GLI2: variants seen among roughly 807,000 people sequenced by gnomAD.
GLI2 encodes GLI family zinc finger 2.
In GLI2, 22 loss-of-function variants were observed where a neutral mutation model predicts 78.9. The observed-to-expected ratio is 0.28, with a 90% confidence interval of 0.20 to 0.40. GLI2 has a LOEUF of 0.40. Among genes scored for constraint, GLI2 ranks in the 10% least tolerant of loss-of-function variants. The pLI is 1.00. For synonymous variants in GLI2, 974 were observed against 963.7 expected (o/e 1.01, Z -0.20); for missense variants, 2,097 against 2,213.2 (o/e 0.95, Z 1.05).
At chr2:120,767,570 C>T (rs1018991601) in intron 1 of GLI2, among the ~76,000 whole-genome samples, 1 of 152,156 alleles carries the variant, frequency 6.6e-6, no homozygotes, top group Non-Finnish European at 1.5e-5. Flanking sequence ...TGAAAAGAAA[C>T]TTTTTAATAC....
At chr2:120,843,072 G>A (rs924167519) in intron 2 of GLI2, among the ~76,000 whole-genome samples, 2 of 152,156 alleles carry the variant, frequency 1.3e-5, no homozygotes, top group African/African-American at 2.4e-5. Flanking sequence ...TGTTTTTGAC[G>A]TAACCCAAGA....
At chr2:120,948,184 G>T (rs1680805295) in intron 3 of GLI2, among the ~76,000 whole-genome samples, 1 of 152,222 alleles carries the variant, frequency 6.6e-6, no homozygotes, top group Non-Finnish European at 1.5e-5. Flanking sequence ...ACAGCATGGA[G>T]AATGACTCCC....
At chr2:120,892,044 A>T (rs79395783) in intron 2 of GLI2, among the ~76,000 whole-genome samples, 2,006 of 143,686 alleles carry the variant, frequency 0.014, 39 homozygotes, top group African/African-American at 0.049. Context: ...ACCACCTTGG[A>T]CTACTTAACC....
rs188079619 is a variant in GLI2, at chr2:120,908,673, C to G, written c.149-18688C>G. ...GGCCCCCTGGCTCCAGCCCCTCCCA[C>G]CGATGGGCCACACATAGCATGTGCT... On this transcript the variant is annotated intron_variant, in intron 2 of 13. Coordinates refer to ENST00000361492, the MANE Select transcript of GLI2 (RefSeq NM_001374353.1). Among the ~76,000 whole-genome samples the G allele has an allele frequency of 8.5e-5, 13 of 152,314 alleles. No homozygotes were observed. In the East Asian group the frequency reaches 1.4e-3, roughly 16 times the overall value.
chr2:120,819,783 A>G (rs6541740), intron 2 of GLI2, among the ~76,000 whole-genome samples: 150,758 of 152,278 alleles, frequency 0.99, 74,634 homozygotes, highest in Middle Eastern at 1. Context: ...GGAGCTCACC[A>G]GCTAAGAAGA....
chr2:120,936,027 G>T (rs558340192), intron 3 of GLI2, among the ~76,000 whole-genome samples: 1 of 152,104 alleles, frequency 6.6e-6, no homozygotes, highest in Non-Finnish European at 1.5e-5. Flanking sequence ...GAGGGGCTGC[G>T]GCAGGATCGG....
chr2:120,932,428 G>T lies in GLI2; in HGVS notation c.254+4962G>T, dbSNP rs371892425. Among the ~76,000 whole-genome samples the T allele has an allele frequency of 7.2e-5, 11 of 152,078 alleles. No homozygotes were observed. The East Asian group carries it at 1.7e-3, about 24-fold the overall frequency. The stretch of plus-strand genomic sequence containing the variant: ...GGGAGGGCGCACCCAGTGTGTGCAG[G>T]CTCCAGAGAGGTGTTCCCTGCACTC... On this transcript the variant is annotated intron_variant, in intron 3 of 13. Coordinates refer to ENST00000361492, the MANE Select transcript of GLI2 (RefSeq NM_001374353.1).
chr2:120,741,571 T>C (rs930634816), intron 1 of GLI2, among the ~76,000 whole-genome samples: 3 of 151,816 alleles, frequency 2.0e-5, no homozygotes, highest in Non-Finnish European at 1.5e-5. Context: ...CTCTTTTCTG[T>C]CTTTTCTCAT....
Position 120,972,406 on chromosome 2 carries a change from C to T in GLI2, c.1182+343C>T, listed in dbSNP as rs376086727. 1.4e-4 allele frequency among the ~76,000 whole-genome samples: 21 copies of T among 152,360 alleles called. No homozygotes were observed. The East Asian group carries it at 3.7e-3, about 27-fold the overall frequency. On this transcript the variant is annotated intron_variant, in intron 8 of 13. Coordinates refer to ENST00000361492, the MANE Select transcript of GLI2 (RefSeq NM_001374353.1). The stretch of plus-strand genomic sequence containing the variant: ...AGCCACAGCCTAGTTGAGTTGCTCA[C>T]GTCCCCGGAATGGCCCAGGCCCTTC...
intron 1 of GLI2, among the ~76,000 whole-genome samples, chr2:120,786,032 G>A (rs1218595731): frequency 1.3e-5 from 2 of 152,182 alleles, no homozygotes; most frequent in African/African-American, 4.8e-5. Flanking sequence ...AAGACAGAGG[G>A]GTTAGAAACA....
intron 2 of GLI2, among the ~76,000 whole-genome samples, chr2:120,842,058 C>CAAAA (rs571517244): frequency 1.3e-5 from 1 of 74,522 alleles, no homozygotes; most frequent in Non-Finnish European, 3.0e-5. Context: ...TTTGTCAACT[C>CAAAA]AAAAAAAAAA....
chr2:120,793,818 C>T (rs550703979), intron 1 of GLI2, among the ~76,000 whole-genome samples: 24 of 152,364 alleles, frequency 1.6e-4, no homozygotes, highest in Non-Finnish European at 2.9e-4. Flanking sequence ...GGAGCGACCA[C>T]GCCCTGAGGT....
At chr2:120,863,279 C>A (rs1044865493) in intron 2 of GLI2, among the ~76,000 whole-genome samples, 3 of 152,244 alleles carry the variant, frequency 2.0e-5, no homozygotes, top group African/African-American at 7.2e-5. Context: ...CCCTCAGGAC[C>A]CTTGCATGCC....
intron 10 of GLI2, among the ~76,000 whole-genome samples, chr2:120,982,375 G>A (rs1463534082): frequency 6.6e-6 from 1 of 152,206 alleles, no homozygotes; most frequent in Non-Finnish European, 1.5e-5. Flanking sequence ...ATGGGAATAT[G>A]CTGCTGATTT....
At chr2:120,772,452 C>T (rs970482293) in intron 1 of GLI2, among the ~76,000 whole-genome samples, 3 of 152,186 alleles carry the variant, frequency 2.0e-5, no homozygotes, top group Non-Finnish European at 4.4e-5. Context: ...TAGTGTGGAG[C>T]CTCGCAGCCA....
At chr2:120,893,995 T>C (rs1161315283) in intron 2 of GLI2, among the ~76,000 whole-genome samples, 1 of 152,118 alleles carries the variant, frequency 6.6e-6, no homozygotes, top group Non-Finnish European at 1.5e-5. Flanking sequence ...CTCCCAAACG[T>C]CCCCTGCAGA....
At chr2:120,821,252 A>G (rs895491) in intron 2 of GLI2, among the ~76,000 whole-genome samples, 62,531 of 151,744 alleles carry the variant, frequency 0.41, 13,881 homozygotes, top group South Asian at 0.52. Context: ...CCTAGGCTTC[A>G]TGGATAGAGT....
At chr2:120,812,087 C>G (rs1424258197) in intron 2 of GLI2, among the ~76,000 whole-genome samples, 1 of 152,152 alleles carries the variant, frequency 6.6e-6, no homozygotes, top group Non-Finnish European at 1.5e-5. Context: ...CCTCAGCCTT[C>G]CTTGAGACAG....
chr2:120,813,868 T>C (rs1351809199), intron 2 of GLI2, among the ~76,000 whole-genome samples: 1 of 152,202 alleles, frequency 6.6e-6, no homozygotes, highest in Non-Finnish European at 1.5e-5. Context: ...CTTCAACTTA[T>C]GGTGTCTTAG....
Sources: allele counts gnomAD v4.1 joint callset (sites outside exome capture counted in the v4.1 genomes callset), GRCh38; gene constraint gnomAD v4.1.1; transcripts MANE v1.5; gene names NCBI Gene and HGNC (gene_info 2026-07-23, HGNC 2026-07-21).